The following PIWIL1 variants were observed in gnomAD, a reference collection of about 807,000 sequenced individuals.
PIWIL1 encodes piwi-like protein 1.
PIWIL1 carries 73 observed loss-of-function variants against 114.4 expected under a neutral mutation model. That is an observed-to-expected ratio of 0.64 (90% confidence interval 0.53 to 0.78). PIWIL1 has a LOEUF of 0.78. Ranked by LOEUF, PIWIL1 falls within the 30% of genes least tolerant of loss-of-function variation. The probability of loss-of-function intolerance (pLI) is 0.00; values close to 1 mark genes in which losing one functional copy is unlikely to be tolerated. For synonymous variants in PIWIL1, 375 were observed against 369.0 expected (o/e 1.02, Z -0.19); for missense variants, 723 against 1,063.1 (o/e 0.68, Z 4.45).
intron 4 of PIWIL1, 131 bp from the exon 5 acceptor site, chr12:130,346,239 G>A (rs2073064490): frequency 4.5e-6 from 3 of 660,248 alleles, no homozygotes; most frequent in Non-Finnish European, 7.8e-6. Flanking sequence ...TCAGATGTCT[G>A]AGGACTTTCA....
the PIWIL1 span, chr12:130,397,175 C>G: frequency 2.8e-6 from 1 of 359,524 alleles, no homozygotes; most frequent in Non-Finnish European, 5.0e-6. Flanking sequence ...CCAGCGGTGA[C>G]AGAGAGCAAC....
chr12:130,362,746 C>T lies in PIWIL1; in HGVS notation c.1971-20C>T. ...ATAGACAATTGCATTCTTATTCTAGCTGTGTTTTTCTCTGAATAGCTGGTT... is the reference window on the plus strand; with the variant it reads ...ATAGACAATTGCATTCTTATTCTAGTTGTGTTTTTCTCTGAATAGCTGGTT... On this transcript the variant is annotated intron_variant, in intron 16 of 20. Transcript: ENST00000245255. The T allele has an allele frequency of 6.2e-7, 1 of 1,605,148 alleles. No homozygotes were observed. The highest frequency in any genetic ancestry group is 1.1e-5 in the South Asian group (1 of 90,722).
intron 18 of PIWIL1, among the ~76,000 whole-genome samples, chr12:130,366,831 G>C (rs1388151826): frequency 6.6e-6 from 1 of 152,144 alleles, no homozygotes; most frequent in Non-Finnish European, 1.5e-5. Flanking sequence ...TGTGAATTTT[G>C]AAGACATGCT....
In PIWIL1 at chr12:130,371,285, T is replaced by C. The variant is rs770501849; in HGVS notation, c.2431T>C (p.Leu811=). 6.2e-7 allele frequency: 1 copy of C among 1,614,230 alleles called. No individual in the cohort carries two copies. Among genetic ancestry groups the C allele is most frequent in the South Asian group, 1.1e-5 (1 of 91,078 alleles). The change falls in exon 20 of 21, where the codon TTG becomes CTG. Residue 811 remains leucine, a synonymous_variant. Transcript: ENST00000245255. The part of the protein sequence containing the change: ...SGLKPDHIQR[L]TYKLCHIYYN... The stretch of plus-strand genomic sequence containing the variant: ...CCTGAAGCCAGACCACATACAGCGC[T>C]TGACCTACAAGCTGTGCCACATCTA...
the PIWIL1 span, among the ~76,000 whole-genome samples, chr12:130,403,208 T>G: frequency 2.6e-5 from 4 of 152,360 alleles, no homozygotes; most frequent in Admixed American, 6.5e-5. Context: ...GTGTCCCCTG[T>G]CATTGTTTAT....
At chr12:130,397,155 G>A in the PIWIL1 span, 3 of 341,228 alleles carry the variant, frequency 8.8e-6, no homozygotes, top group Non-Finnish European at 1.6e-5. Flanking sequence ...TGGACAATGA[G>A]AGCAGACTGC....
chr12:130,424,527 C>T, the PIWIL1 span: 101 of 1,231,994 alleles, frequency 8.2e-5, no homozygotes, highest in Non-Finnish European at 9.3e-5. The surrounding 1 kb of genome is among the most constrained non-coding windows in gnomAD (Gnocchi z 9.8). Context: ...GTCCGGGCTC[C>T]GGGTGGCCGA....
chr12:130,414,309 G>A, the PIWIL1 span: 5 of 1,575,294 alleles, frequency 3.2e-6, no homozygotes, highest in African/African-American at 4.0e-5. Context: ...GTAATCGTCT[G>A]CGAGCAAGTG....
At chr12:130,366,231 G>A (rs983843158) in intron 18 of PIWIL1, among the ~76,000 whole-genome samples, 1 of 152,144 alleles carries the variant, frequency 6.6e-6, no homozygotes, top group Admixed American at 6.5e-5. Context: ...CTAATTCATG[G>A]ATTAACTACG....
At chr12:130,375,713 C>T (rs2073861862), downstream of PIWIL1, among the ~76,000 whole-genome samples, 1 of 151,990 alleles carries the variant, frequency 6.6e-6, no homozygotes, top group African/African-American at 2.4e-5. Flanking sequence ...AAAATAAAAG[C>T]CTTTTGGGCC....
intron 16 of PIWIL1, among the ~76,000 whole-genome samples, chr12:130,362,321 G>A (rs2073537345): frequency 6.6e-6 from 1 of 152,176 alleles, no homozygotes; most frequent in Non-Finnish European, 1.5e-5. Flanking sequence ...AAAACAGGTG[G>A]TATTTGGTTT....
chr12:130,425,059 G>A, the PIWIL1 span: 1 of 397,224 alleles, frequency 2.5e-6, no homozygotes, highest in Non-Finnish European at 4.4e-6. Flanking sequence ...CTGGGGCGGG[G>A]TGGAGGCTGA....
chr12:130,377,106 T>C (rs1282907374), downstream of PIWIL1, among the ~76,000 whole-genome samples: 1 of 152,198 alleles, frequency 6.6e-6, no homozygotes, highest in Non-Finnish European at 1.5e-5. Context: ...TATCATTAGC[T>C]AGTGTAGTGC....
the PIWIL1 span, chr12:130,414,319 G>C: frequency 5.1e-6 from 8 of 1,569,330 alleles, no homozygotes; most frequent in Middle Eastern, 3.4e-4. Context: ...GCGAGCAAGT[G>C]GGGGTGAAGA....
rs56124149 is a variant in PIWIL1 at position 130,342,155 on chromosome 12, C to CGTGTGT, written c.-12-394_-12-389dup. 802 of 134,976 alleles carry CGTGTGT rather than the reference C, an allele frequency of 5.9e-3. 1 individual carries two copies. Among genetic ancestry groups the CGTGTGT allele is most frequent in the Middle Eastern group, 0.057 (15 of 262 alleles). 8.4% of individuals were successfully genotyped at this position (134,976 alleles called of 1,614,324 possible). On this transcript the variant is annotated intron_variant, in intron 1 of 20. Coordinates refer to ENST00000245255, the MANE Select transcript of PIWIL1 (RefSeq NM_004764.5). Reference sequence around the variant, plus strand: ...GACACTTGCCACAAGTGCCTGTTTCCGTGTGTGTGTGTGTGTGTGTGTGTG... The same window carrying CGTGTGT: ...GACACTTGCCACAAGTGCCTGTTTCCGTGTGTGTGTGTGTGTGTGTGTGTGTGTGTG...
chr12:130,396,324 T>TCCATAAATTA, the PIWIL1 span: 8 of 152,600 alleles, frequency 5.2e-5, no homozygotes, highest in Admixed American at 2.0e-4. Flanking sequence ...TTATAAACCG[T>TCCATAAATTA]CCATAAATTA....
chr12:130,343,134 T>A, intron 3 of PIWIL1, 33 bp downstream of exon 3: 1 of 1,477,696 alleles, frequency 6.8e-7, no homozygotes, highest in South Asian at 1.2e-5. Flanking sequence ...TCTTAACAAC[T>A]CTGTTCAACA....
chr12:130,388,398 T>C, the PIWIL1 span, among the ~76,000 whole-genome samples: 1 of 152,256 alleles, frequency 6.6e-6, no homozygotes, highest in South Asian at 2.1e-4. Flanking sequence ...ATCCCATTGT[T>C]TTAATTACTA....
At chr12:130,399,590 A>AAGAT in the PIWIL1 span, 9 of 1,471,600 alleles carry the variant, frequency 6.1e-6, no homozygotes, top group South Asian at 1.3e-5. Flanking sequence ...TTTTCGGCCC[A>AAGAT]AGATATAAAA....
Sources: allele counts gnomAD v4.1 joint callset (sites outside exome capture counted in the v4.1 genomes callset), GRCh38; gene constraint gnomAD v4.1.1; non-coding constraint Gnocchi (gnomAD v3.1); transcripts MANE v1.5; gene names NCBI Gene and HGNC (gene_info 2026-07-23, HGNC 2026-07-21).